The following MVB12B variants were observed in gnomAD, a reference collection of about 807,000 sequenced individuals.
The protein encoded by MVB12B is ESCRT-I complex subunit MVB12B.
Under a neutral mutation model 41.6 loss-of-function variants are expected in MVB12B, and 16 were observed. The ratio of observed to expected loss-of-function variants is 0.38; its 90% CI spans 0.26 to 0.58. MVB12B has a LOEUF of 0.58. MVB12B is among the 20% of genes least tolerant of loss of function. The pLI, the probability that MVB12B is intolerant of heterozygous loss-of-function variation, is 0.62. For synonymous variants in MVB12B, 133 were observed against 139.7 expected, an observed-to-expected ratio of 0.95 and a Z score of 0.34; for missense variants, 274 against 380.2, an observed-to-expected ratio of 0.72 and a Z score of 2.32.
intron 9 of MVB12B, among the ~76,000 whole-genome samples, chr9:126,492,733 C>T (rs1182747125): frequency 6.6e-6 from 1 of 152,174 alleles, no homozygotes; most frequent in Non-Finnish European, 1.5e-5. Flanking sequence ...CCCAGCTACT[C>T]AGGAGGAGGC....
intron 7 of MVB12B, among the ~76,000 whole-genome samples, chr9:126,438,724 G>A (rs557434926): frequency 1.3e-5 from 2 of 152,314 alleles, no homozygotes; most frequent in East Asian, 3.9e-4. Context: ...GGGGGTAGGG[G>A]TAGAGAGCTC....
intron 7 of MVB12B, among the ~76,000 whole-genome samples, chr9:126,450,369 C>T (rs1187089536): frequency 6.6e-6 from 1 of 152,210 alleles, no homozygotes. Flanking sequence ...GAAGCTAGCC[C>T]CCATTGGGGT....
rs1011136827 is a variant in MVB12B, at chr9:126,468,005, TAC to T, written c.758-13354_758-13353del. On this transcript the variant is annotated intron_variant, in intron 7 of 9. Transcript: ENST00000361171. This position sits in a 1 kb window ranked among gnomAD's most constrained non-coding sequence, Gnocchi z 4.3. Reference sequence around the variant, plus strand: ...ATATGTACACATATACATATAAGTGTACACACACACAGATGTGCGCTTATGTA... The same window carrying T: ...ATATGTACACATATACATATAAGTGTACACACACAGATGTGCGCTTATGTA... Among the ~76,000 whole-genome samples the T allele has an allele frequency of 3.3e-5, 5 of 152,170 alleles. No homozygotes were observed. The highest frequency in any genetic ancestry group is 9.7e-5 in the African/African-American group (4 of 41,430).
At chr9:126,385,789 A>G (rs1250323122) in intron 3 of MVB12B, among the ~76,000 whole-genome samples, 1 of 152,242 alleles carries the variant, frequency 6.6e-6, no homozygotes, top group Non-Finnish European at 1.5e-5. Context: ...GTGGCCCCAC[A>G]TATTTAAGTT....
At chr9:126,406,890 G>A (rs903880001) in intron 6 of MVB12B, among the ~76,000 whole-genome samples, 8 of 151,896 alleles carry the variant, frequency 5.3e-5, no homozygotes, top group Non-Finnish European at 2.9e-5. Flanking sequence ...TATAAGGATT[G>A]TAACTTAAGA....
intron 6 of MVB12B, among the ~76,000 whole-genome samples, chr9:126,417,773 C>T (rs1187698763): frequency 6.6e-6 from 1 of 152,162 alleles, no homozygotes; most frequent in East Asian, 1.9e-4. Context: ...TACTGTGATA[C>T]CTGGAGTGGG....
At chr9:126,384,644 T>C (rs1419773936) in intron 3 of MVB12B, among the ~76,000 whole-genome samples, 1 of 152,056 alleles carries the variant, frequency 6.6e-6, no homozygotes, top group African/African-American at 2.4e-5. Context: ...TTCTCCTGCC[T>C]CAGCCTCCCA....
chr9:126,379,737 G>A (rs779386395), intron 2 of MVB12B, among the ~76,000 whole-genome samples: 2 of 152,166 alleles, frequency 1.3e-5, no homozygotes, highest in Non-Finnish European at 2.9e-5. Context: ...CTCAGAGAGC[G>A]TGGCCGTGGT....
rs746314238 is a variant in MVB12B, at chr9:126,395,567, T to C, written c.540-8T>C. The C allele has an allele frequency of 6.2e-7, 1 of 1,614,110 alleles. No homozygotes were observed. Among genetic ancestry groups the C allele is most frequent in the Non-Finnish European group, 8.5e-7 (1 of 1,179,986 alleles). The stretch of plus-strand genomic sequence containing the variant: ...CAGAGCCATGAAGATTTCTCTTTTT[T>C]CCTAAAGGGAACTGAACAGCATGGG... On this transcript the variant is annotated splice_polypyrimidine_tract_variant and splice_region_variant and intron_variant, in intron 5 of 9. Transcript: ENST00000361171. The surrounding 1 kb of genome is among the most constrained non-coding windows in gnomAD (Gnocchi z 4.9).
At chr9:126,341,450 G>GT (rs765199586) in intron 2 of MVB12B, among the ~76,000 whole-genome samples, 36 of 152,262 alleles carry the variant, frequency 2.4e-4, no homozygotes, top group Non-Finnish European at 4.1e-4. Context: ...TGTTTGTGAC[G>GT]TTTTGTTCTT....
At position 126,381,073 on chromosome 9, in the gene MVB12B, A is replaced by T. The variant is rs753387548; in HGVS notation, c.214A>T (p.Thr72Ser). The T allele has an allele frequency of 5.6e-6, 9 of 1,614,038 alleles. No homozygotes were observed. The highest frequency in any genetic ancestry group is 6.8e-6 in the Non-Finnish European group (8 of 1,179,944). The change falls in exon 3 of 10, where the codon ACA becomes TCA. Residue 72 changes from threonine to serine, a missense_variant. Transcript: ENST00000361171. ...APTGYDVVAQ[T>S]ADGVDADLWK... ...TGTCTCTCCGGTGTAGGTTGCACAG[A>T]CAGCAGATGGTGTGGATGCTGACCT...
intron 7 of MVB12B, among the ~76,000 whole-genome samples, chr9:126,434,809 C>T (rs1832426278): frequency 6.6e-6 from 1 of 152,172 alleles, no homozygotes; most frequent in South Asian, 2.1e-4. Flanking sequence ...TGGCCATTTG[C>T]TTGGTTTCCG....
chr9:126,501,166 A>AAGTGAGAGGGCTGG (rs1206464408), intron 9 of MVB12B, among the ~76,000 whole-genome samples: 1 of 152,278 alleles, frequency 6.6e-6, no homozygotes, highest in East Asian at 1.9e-4. Flanking sequence ...GCGAGCAGGA[A>AAGTGAGAGGGCTGG]AGTGAGAGGG....
intron 6 of MVB12B, among the ~76,000 whole-genome samples, chr9:126,420,865 G>A (rs1018167387): frequency 1.3e-5 from 2 of 152,112 alleles, no homozygotes; most frequent in African/African-American, 4.8e-5. Flanking sequence ...TTTATGCACA[G>A]CAGTCATTCT....
intron 2 of MVB12B, among the ~76,000 whole-genome samples, chr9:126,344,865 C>G (rs2118838370): frequency 6.6e-6 from 1 of 152,332 alleles, no homozygotes; most frequent in Middle Eastern, 3.4e-3. Context: ...GGGCCACACA[C>G]ATCCTTTAAT....
chr9:126,492,381 CG>C (rs1476785252), intron 9 of MVB12B, among the ~76,000 whole-genome samples: 2 of 151,732 alleles, frequency 1.3e-5, no homozygotes, highest in East Asian at 3.9e-4. Context: ...TTGCCTGGCT[CG>C]CCTGGGTCTT....
At chr9:126,464,609 A>T (rs1279218969) in intron 7 of MVB12B, among the ~76,000 whole-genome samples, 1 of 152,200 alleles carries the variant, frequency 6.6e-6, no homozygotes, top group East Asian at 1.9e-4. Context: ...CTTCTGGGAG[A>T]GGGCCCGGAG....
At chr9:126,427,100 T>C (rs1439663856) in intron 7 of MVB12B, 1 of 152,190 alleles carries the variant, frequency 6.6e-6, no homozygotes, top group Non-Finnish European at 1.5e-5. Flanking sequence ...GAAATATAAA[T>C]ATTTACCACC....
intron 6 of MVB12B, among the ~76,000 whole-genome samples, chr9:126,398,909 A>G (rs1831192276): frequency 6.6e-6 from 1 of 152,222 alleles, no homozygotes; most frequent in Non-Finnish European, 1.5e-5. Flanking sequence ...AATGCCGTTC[A>G]TTCCCAGCTT....
Sources: allele counts gnomAD v4.1 joint callset (sites outside exome capture counted in the v4.1 genomes callset), GRCh38; gene constraint gnomAD v4.1.1; non-coding constraint Gnocchi (gnomAD v3.1); transcripts MANE v1.5; gene names NCBI Gene and HGNC (gene_info 2026-07-23, HGNC 2026-07-21).